SERPINB8: variants seen among roughly 807,000 people sequenced by gnomAD.
SERPINB8 encodes serpin family B member 8.
A neutral mutation model predicts 35.3 loss-of-function variants in SERPINB8; 25 were observed. The observed-to-expected ratio is 0.71, with a 90% confidence interval of 0.52 to 0.99. SERPINB8 has a LOEUF of 0.99. Among genes scored for constraint, SERPINB8 ranks in the 50% least tolerant of loss-of-function variants. The pLI, the probability that SERPINB8 is intolerant of heterozygous loss-of-function variation, is 0.00. For synonymous variants in SERPINB8, 186 were observed against 160.8 expected, an observed-to-expected ratio of 1.16 and a Z score of -1.19; for missense variants, 484 against 446.5, an observed-to-expected ratio of 1.08 and a Z score of -0.76.
chr18:63,974,808 G>A (rs910008268), intron 1 of SERPINB8, among the ~76,000 whole-genome samples: 3 of 152,114 alleles, frequency 2.0e-5, no homozygotes, highest in African/African-American at 7.2e-5. Flanking sequence ...TTTCTCCCCT[G>A]CCTGACTTCT....
intron 7 of SERPINB8, among the ~76,000 whole-genome samples, chr18:64,017,364 G>A (rs557890201): frequency 2.6e-5 from 4 of 152,134 alleles, no homozygotes; most frequent in African/African-American, 4.8e-5. Flanking sequence ...TAAAACAAGC[G>A]TTTCCTATGA....
rs148324158 is a variant in SERPINB8, at chr18:63,981,442, T to C, written c.307-279T>C. The stretch of plus-strand genomic sequence containing the variant: ...GCGTTTGACAAGGATGCTCCTGTGA[T>C]GTTTTGTGGATAGTGGCAGCTCATG... On this transcript the variant is annotated intron_variant, in intron 3 of 6. Coordinates refer to ENST00000397985, the MANE Select transcript of SERPINB8 (RefSeq NM_002640.4). Among the ~76,000 whole-genome samples, 24 of 152,294 alleles carry C rather than the reference T, an allele frequency of 1.6e-4. No individual in the cohort carries two copies. The East Asian group carries it at 4.2e-3, about 27-fold the overall frequency.
intron 1 of SERPINB8, among the ~76,000 whole-genome samples, chr18:64,000,895 T>TA (rs1320257552): frequency 1.3e-5 from 2 of 152,232 alleles, no homozygotes; most frequent in African/African-American, 4.8e-5. Flanking sequence ...GTGGACTTTT[T>TA]ATCTTCATGG....
chr18:63,986,633 TA>T, intron 6 of SERPINB8: 1 of 1,321,030 alleles, frequency 7.6e-7, no homozygotes, highest in Non-Finnish European at 9.6e-7. Flanking sequence ...TTGTTTTTAT[TA>T]AAAATTTCTG....
At chr18:63,986,431 T>C in intron 6 of SERPINB8, 1 of 1,458,772 alleles carries the variant, frequency 6.9e-7, no homozygotes. Context: ...TGAGTTGCCC[T>C]CTGATTTAAC....
At chr18:63,976,806 AT>A (rs1278591209) in intron 1 of SERPINB8, among the ~76,000 whole-genome samples, 2 of 152,070 alleles carry the variant, frequency 1.3e-5, no homozygotes, top group Non-Finnish European at 2.9e-5. Flanking sequence ...AGGGCTTCAT[AT>A]TTTATATCCA....
chr18:63,986,376 C>T (rs1003008927), intron 6 of SERPINB8: 1 of 1,564,842 alleles, frequency 6.4e-7, no homozygotes, highest in Non-Finnish European at 8.6e-7. Context: ...CCTTCTCATG[C>T]CTCCCTTCAT....
At chr18:63,998,728 G>C (rs2050861349) in intron 1 of SERPINB8, among the ~76,000 whole-genome samples, 1 of 152,126 alleles carries the variant, frequency 6.6e-6, no homozygotes, top group African/African-American at 2.4e-5. Flanking sequence ...AAAATCAGTG[G>C]GAGATCAGGA....
downstream of SERPINB8, among the ~76,000 whole-genome samples, chr18:63,990,861 C>T (rs191731859): frequency 1.8e-4 from 27 of 152,330 alleles, no homozygotes; most frequent in East Asian, 4.2e-3. Context: ...GAATGCTTTG[C>T]CTAATCCAAA....
At chr18:64,016,710 G>C (rs535248378) in intron 7 of SERPINB8, among the ~76,000 whole-genome samples, 1 of 152,238 alleles carries the variant, frequency 6.6e-6, no homozygotes, top group South Asian at 2.1e-4. Context: ...AATATTTTCA[G>C]ATTTCATCCA....
In SERPINB8 at chr18:63,987,310, C is replaced by A. The variant is rs1162175510; in HGVS notation, c.*32C>A. 1.3e-6 allele frequency: 2 copies of A among 1,569,654 alleles called. No homozygotes were observed. Among genetic ancestry groups the A allele is most frequent in the Non-Finnish European group, 1.7e-6 (2 of 1,157,882 alleles). Reference sequence around the variant, plus strand: ...GCAATTGCTGTACATACCCTCCTTTCCTTCTACCTATCTTGCCTTAATTAA... The same window carrying A: ...GCAATTGCTGTACATACCCTCCTTTACTTCTACCTATCTTGCCTTAATTAA... On this transcript the variant is annotated 3_prime_UTR_variant, in exon 7 of 7. Coordinates refer to ENST00000397985, the MANE Select transcript of SERPINB8 (RefSeq NM_002640.4).
chr18:63,986,185 G>C lies in SERPINB8; in HGVS notation c.721-689G>C, dbSNP rs151117166. On this transcript the variant is annotated intron_variant, in intron 6 of 6. Coordinates refer to ENST00000397985, the MANE Select transcript of SERPINB8 (RefSeq NM_002640.4). ...GAGAGGAGTACCCACCTGGGCTCCA[G>C]TTGTTAAAGGGAAGGGGAGATGCTA... is the stretch of plus-strand genomic sequence containing the variant. 636 of 1,424,790 alleles carry C rather than the reference G, an allele frequency of 4.5e-4. 2 individuals carry two copies. In the African/African-American group the frequency reaches 6.5e-3, roughly 15 times the overall value. 88.3% of individuals were successfully genotyped at this position (1,424,790 alleles called of 1,614,324 possible). A position where few individuals can be genotyped will look rare whatever the true frequency, so the allele number is the denominator to read the frequency against.
At chr18:63,983,363 A>G (rs564615727) in intron 4 of SERPINB8, among the ~76,000 whole-genome samples, 39 of 152,278 alleles carry the variant, frequency 2.6e-4, no homozygotes, top group Admixed American at 2.2e-3. Context: ...GCAAAATGAT[A>G]GTTGCCCTTC....
chr18:64,009,958 A>G (rs776973152), downstream of SERPINB8, among the ~76,000 whole-genome samples: 5 of 152,186 alleles, frequency 3.3e-5, no homozygotes, highest in Non-Finnish European at 7.3e-5. Flanking sequence ...ATGTATTTAA[A>G]TTACTTTAAA....
intron 1 of SERPINB8, among the ~76,000 whole-genome samples, chr18:63,971,070 C>G (rs1457794068): frequency 6.6e-6 from 1 of 152,130 alleles, no homozygotes; most frequent in Admixed American, 6.5e-5. Context: ...CTGCGTAGAC[C>G]GCGCCCTCTT....
intron 7 of SERPINB8, among the ~76,000 whole-genome samples, chr18:64,013,018 A>G (rs2050932734): frequency 6.6e-6 from 1 of 152,168 alleles, no homozygotes; most frequent in African/African-American, 2.4e-5. Flanking sequence ...ATTGGGCTCT[A>G]TCAGCCACAT....
At chr18:63,981,096 CAT>C (rs1421228321) in intron 3 of SERPINB8, among the ~76,000 whole-genome samples, 1 of 152,234 alleles carries the variant, frequency 6.6e-6, no homozygotes, top group Admixed American at 6.5e-5. Flanking sequence ...CACATGTACA[CAT>C]GTGCACTCAT....
chr18:63,971,880 C>A (rs2144780552), intron 1 of SERPINB8, among the ~76,000 whole-genome samples: 1 of 152,278 alleles, frequency 6.6e-6, no homozygotes, highest in East Asian at 1.9e-4. Context: ...CCAGGGGCAC[C>A]ACACAAACCA....
chr18:64,003,519 ATGTGTGTG>A (rs61161137), intron 1 of SERPINB8, among the ~76,000 whole-genome samples: 13,862 of 148,102 alleles, frequency 0.094, 656 homozygotes, highest in Admixed American at 0.11. Context: ...TGAGGGACAA[ATGTGTGTG>A]TGTGTGTGTG....
Sources: allele counts gnomAD v4.1 joint callset (sites outside exome capture counted in the v4.1 genomes callset), GRCh38; gene constraint gnomAD v4.1.1; transcripts MANE v1.5; gene names NCBI Gene and HGNC (gene_info 2026-07-23, HGNC 2026-07-21).